JMJD1C: variants seen among roughly 807,000 people sequenced by gnomAD.
JMJD1C encodes the protein jumonji domain-containing protein 1C.
Under a neutral mutation model 245.3 loss-of-function variants are expected in JMJD1C, and 31 were observed. The observed-to-expected ratio is 0.13, with a 90% confidence interval of 0.09 to 0.17. JMJD1C has a LOEUF of 0.17. JMJD1C is among the 10% of genes least tolerant of loss of function. The pLI is 1.00. For missense variants in JMJD1C, 2,691 were observed against 3,000.2 expected (o/e 0.90, Z 2.41); for synonymous variants, 1,057 against 1,017.4 (o/e 1.04, Z -0.74).
intron 1 of JMJD1C, among the ~76,000 whole-genome samples, chr10:63,408,231 C>G (rs1439431339): frequency 6.6e-6 from 1 of 151,750 alleles, no homozygotes; most frequent in Non-Finnish European, 1.5e-5. Context: ...GTGAAACCCC[C>G]TCTCTACTAA....
chr10:63,176,162 A>C, intron 24 of JMJD1C, 135 bp downstream of exon 24: 2 of 518,238 alleles, frequency 3.9e-6, no homozygotes, highest in East Asian at 3.0e-5. Context: ...ATGTCATTCT[A>C]ATAAAGGCAG....
chr10:63,435,524 A>T (rs916687131), intron 1 of JMJD1C, among the ~76,000 whole-genome samples: 2 of 152,156 alleles, frequency 1.3e-5, no homozygotes, highest in African/African-American at 4.8e-5. Context: ...GAGGATTAAT[A>T]TGTATTTCTG....
Position 63,509,429 on chromosome 10 carries a change from A to C in JMJD1C, n.113+12309T>G, listed in dbSNP as rs80337463. On this transcript the variant is annotated intron_variant and non_coding_transcript_variant, in intron 1 of 3. Coordinates refer to the JMJD1C transcript ENST00000633035. ...TTGAATTAGGATAATGGCAGAATGAATTAAGATGTATTTCCCCTACTTCTG... is the reference window on the plus strand; with the variant it reads ...TTGAATTAGGATAATGGCAGAATGACTTAAGATGTATTTCCCCTACTTCTG... Among the ~76,000 whole-genome samples the C allele has an allele frequency of 9.2e-3, 1,408 of 152,312 alleles. 21 individuals are homozygous for C. Among genetic ancestry groups the C allele is most frequent in the African/African-American group, 0.032 (1,338 of 41,570 alleles).
intron 2 of JMJD1C, among the ~76,000 whole-genome samples, chr10:63,318,036 C>CTGGCTCT (rs1940321140): frequency 6.6e-6 from 1 of 152,094 alleles, no homozygotes; most frequent in Non-Finnish European, 1.5e-5. Context: ...GAGACAGGGT[C>CTGGCTCT]TGGCTCTATC....
intron 8 of JMJD1C, among the ~76,000 whole-genome samples, 174 bp from the exon 9 acceptor site, chr10:63,209,409 A>G (rs1156797325): frequency 6.6e-6 from 1 of 152,218 alleles, no homozygotes; most frequent in Non-Finnish European, 1.5e-5. Flanking sequence ...AAATATTCAG[A>G]CAAATAATAA....
intron 1 of JMJD1C, among the ~76,000 whole-genome samples, chr10:63,449,357 T>C (rs1384162662): frequency 6.6e-6 from 1 of 152,168 alleles, no homozygotes; most frequent in East Asian, 1.9e-4. Flanking sequence ...AAATAACATC[T>C]TGAACAGTTT....
At chr10:63,420,863 AAAAC>A (rs1043146505) in intron 1 of JMJD1C, among the ~76,000 whole-genome samples, 1 of 116,074 alleles carries the variant, frequency 8.6e-6, no homozygotes, top group African/African-American at 6.8e-5. Flanking sequence ...AACAAAGTAC[AAAAC>A]AAACAAAATC....
intron 1 of JMJD1C, among the ~76,000 whole-genome samples, chr10:63,426,538 G>C (rs1950449803): frequency 6.6e-6 from 1 of 152,122 alleles, no homozygotes; most frequent in Admixed American, 6.5e-5. Context: ...GGGCGTGGTG[G>C]TGCGCGCCTG....
At chr10:63,267,589 G>A (rs1855748976) in intron 2 of JMJD1C, among the ~76,000 whole-genome samples, 1 of 152,068 alleles carries the variant, frequency 6.6e-6, no homozygotes, top group Non-Finnish European at 1.5e-5. Flanking sequence ...GGGAAGCAAT[G>A]AGCTAACATC....
chr10:63,506,659 TAC>T (rs1211799847), intron 1 of JMJD1C, among the ~76,000 whole-genome samples: 1 of 152,088 alleles, frequency 6.6e-6, no homozygotes, highest in African/African-American at 2.4e-5. Flanking sequence ...GAGTGGAAAG[TAC>T]AGAGTTCCCA....
intron 1 of JMJD1C, among the ~76,000 whole-genome samples, chr10:63,447,916 G>C (rs1431531704): frequency 6.6e-6 from 1 of 151,966 alleles, no homozygotes; most frequent in Non-Finnish European, 1.5e-5. Flanking sequence ...TCCAGCCTGG[G>C]TGATGGAGCA....
chr10:63,227,160 G>A (rs535048967), intron 3 of JMJD1C, among the ~76,000 whole-genome samples: 6 of 151,886 alleles, frequency 4.0e-5, no homozygotes, highest in South Asian at 2.1e-4. Context: ...TACTTAATTC[G>A]AAAGAAAAAA....
chr10:63,344,421 G>A (rs1943634332), intron 2 of JMJD1C, among the ~76,000 whole-genome samples: 1 of 152,074 alleles, frequency 6.6e-6, no homozygotes, highest in South Asian at 2.1e-4. Context: ...ACTCTGTGGT[G>A]TTTACACAGC....
At chr10:63,397,327 C>G (rs1355215676) in intron 1 of JMJD1C, among the ~76,000 whole-genome samples, 2 of 152,112 alleles carry the variant, frequency 1.3e-5, no homozygotes, top group East Asian at 3.8e-4. Flanking sequence ...AATTCTCCTG[C>G]CTCAGCCCCC....
chr10:63,305,090 T>C (rs1184968929), intron 2 of JMJD1C, among the ~76,000 whole-genome samples: 1 of 151,562 alleles, frequency 6.6e-6, no homozygotes, highest in Non-Finnish European at 1.5e-5. Context: ...AGTGAGTGGC[T>C]GGGCATGGTG....
At chr10:63,408,803 T>C (rs573469865) in intron 1 of JMJD1C, among the ~76,000 whole-genome samples, 5 of 150,726 alleles carry the variant, frequency 3.3e-5, no homozygotes, top group African/African-American at 1.2e-4. Flanking sequence ...CCAGCAAAAG[T>C]GAGTCAAGGA....
At chr10:63,491,761 A>T (rs1954185613) in intron 1 of JMJD1C, among the ~76,000 whole-genome samples, 2 of 152,218 alleles carry the variant, frequency 1.3e-5, no homozygotes, top group Non-Finnish European at 1.5e-5. Flanking sequence ...CCCTCCAGGG[A>T]AAAAGCAGGT....
chr10:63,296,013 ATT>A (rs373671324), intron 2 of JMJD1C, among the ~76,000 whole-genome samples: 7 of 84,278 alleles, frequency 8.3e-5, no homozygotes, highest in Admixed American at 6.6e-4. Flanking sequence ...GTATATATAT[ATT>A]TTTTTTTTTT....
intron 2 of JMJD1C, among the ~76,000 whole-genome samples, chr10:63,336,075 C>T (rs557267175): frequency 6.8e-4 from 103 of 151,866 alleles, no homozygotes; most frequent in African/African-American, 2.3e-3. Context: ...GAGCGGAGAT[C>T]GCACCACTGC....
Sources: gnomAD v4.1 joint callset for allele counts (sites outside exome capture counted in the v4.1 genomes callset) on GRCh38, gnomAD v4.1.1 for gene constraint, MANE v1.5 for transcripts, NCBI Gene and HGNC (gene_info 2026-07-23, HGNC 2026-07-21) for gene names.